Variants in H2BC18 observed in about 807,000 individuals in gnomAD.
The protein encoded by H2BC18 is histone H2B type 2-F.
Under a neutral mutation model 6.3 loss-of-function variants are expected in H2BC18, and 8 were observed. The ratio of observed to expected loss-of-function variants is 1.28; its 90% CI spans 0.75 to 2.31. The LOEUF is 2.31. Among genes scored for constraint, H2BC18 ranks in the 30% most tolerant of loss-of-function variants. The probability of loss-of-function intolerance (pLI) is 0.00; values close to 1 mark genes in which losing one functional copy is unlikely to be tolerated. For missense variants in H2BC18, 106 were observed against 174.5 expected (o/e 0.61, Z 2.21); for synonymous variants, 104 against 78.1 (o/e 1.33, Z -1.75).
intron 1 of H2BC18, chr1:149,790,235 A>G (rs782741040): frequency 3.1e-6 from 5 of 1,610,844 alleles, no homozygotes; most frequent in Non-Finnish European, 4.2e-6. Flanking sequence ...AATACCAAAT[A>G]CTAACTGCTA....
chr1:149,807,944 T>A (rs2091938233), downstream of H2BC18, among the ~76,000 whole-genome samples: 1 of 152,206 alleles, frequency 6.6e-6, no homozygotes, highest in African/African-American at 2.4e-5. Flanking sequence ...ATGATGTGCA[T>A]AAATTGTTTT....
chr1:149,794,024 C>T (rs1317519300), intron 1 of H2BC18: 1 of 713,728 alleles, frequency 1.4e-6, no homozygotes. Context: ...TAGCTGACAG[C>T]TGGCTGGGAG....
At chr1:149,804,118 T>C (rs1412598183) in intron 1 of H2BC18, among the ~76,000 whole-genome samples, 2 of 152,194 alleles carry the variant, frequency 1.3e-5, no homozygotes, top group Non-Finnish European at 2.9e-5. Flanking sequence ...AGCTAATAGT[T>C]TTCTAGATAA....
exon 2 of H2BC18, chr1:149,782,995 T>C: frequency 3.4e-6 from 2 of 594,150 alleles, no homozygotes; most frequent in South Asian, 4.0e-5. Flanking sequence ...GTTTCCTTGA[T>C]AACCACCTGT....
intron 1 of H2BC18, among the ~76,000 whole-genome samples, chr1:149,799,922 G>A (rs1393345310): frequency 1.3e-5 from 2 of 152,036 alleles, no homozygotes; most frequent in Non-Finnish European, 2.9e-5. Context: ...GTTCTGCAGT[G>A]GACACCAGCT....
chr1:149,784,782 TCTTA>T (rs1185090039), intron 1 of H2BC18, among the ~76,000 whole-genome samples: 4 of 151,108 alleles, frequency 2.6e-5, no homozygotes, highest in Admixed American at 6.6e-5. Context: ...TTGTCCTATA[TCTTA>T]CTTTTATCAC....
intron 1 of H2BC18, chr1:149,793,312 CCCAGCTGGTT>C (rs1331673241): frequency 8.6e-7 from 1 of 1,158,728 alleles, no homozygotes; most frequent in African/African-American, 1.7e-5. Context: ...CGGAGGACCT[CCCAGCTGGTT>C]CCCTCACCGT....
chr1:149,793,102 G>T, intron 1 of H2BC18: 3 of 1,274,346 alleles, frequency 2.4e-6, no homozygotes, highest in Non-Finnish European at 3.0e-6. Context: ...CCAAGCCCCG[G>T]GGATGCTGCC....
chr1:149,789,411 T>C (rs1258516457), intron 1 of H2BC18, among the ~76,000 whole-genome samples: 1 of 149,814 alleles, frequency 6.7e-6, no homozygotes, highest in East Asian at 1.9e-4. Context: ...ATAATAATAA[T>C]AATAATAATG....
At chr1:149,809,331 G>A (rs676744), downstream of H2BC18, among the ~76,000 whole-genome samples, 1 of 144,430 alleles carries the variant, frequency 6.9e-6, no homozygotes, top group Non-Finnish European at 1.5e-5. Context: ...AAGGGAAGAT[G>A]CCAAGTGTAG....
chr1:149,800,304 T>C (rs1323511773), intron 1 of H2BC18, among the ~76,000 whole-genome samples: 1 of 152,206 alleles, frequency 6.6e-6, no homozygotes, highest in Non-Finnish European at 1.5e-5. Context: ...CCTGTCCTTT[T>C]GGGTCTTTGT....
At chr1:149,811,636 C>T (rs2101505349), downstream of H2BC18, 2 of 461,166 alleles carry the variant, frequency 4.3e-6, no homozygotes, top group African/African-American at 2.0e-5. Context: ...AACCACCCCC[C>T]GCCTCCTTCC....
intron 1 of H2BC18, chr1:149,792,673 A>C: frequency 1.6e-6 from 2 of 1,278,762 alleles, no homozygotes; most frequent in Non-Finnish European, 2.0e-6. Flanking sequence ...CGCAGCCGCC[A>C]GCGCCCGGGG....
intron 1 of H2BC18, among the ~76,000 whole-genome samples, chr1:149,789,847 C>A (rs1206686457): frequency 6.6e-6 from 1 of 152,144 alleles, no homozygotes; most frequent in Non-Finnish European, 1.5e-5. Flanking sequence ...ATAGAGGTAT[C>A]CTCAGTAGGA....
downstream of H2BC18, chr1:149,811,165 T>C (rs1434944927): frequency 1.3e-5 from 2 of 151,470 alleles, no homozygotes; most frequent in East Asian, 3.9e-4. Context: ...AAGATCGACA[T>C]TACAGGCCAG....
chr1:149,785,339 T>C (rs2091512499), intron 1 of H2BC18, among the ~76,000 whole-genome samples: 1 of 150,902 alleles, frequency 6.6e-6, no homozygotes, highest in South Asian at 2.1e-4. Context: ...ATGTTCCTCA[T>C]GTGTCCCTTA....
At chr1:149,804,401 C>T (rs1346956207) in intron 1 of H2BC18, among the ~76,000 whole-genome samples, 1 of 152,166 alleles carries the variant, frequency 6.6e-6, no homozygotes, top group Non-Finnish European at 1.5e-5. Context: ...ACTGAAGGTT[C>T]TACATAACAA....
At chr1:149,810,628 G>A (rs1571423740), downstream of H2BC18, 2 of 151,854 alleles carry the variant, frequency 1.3e-5, no homozygotes, top group South Asian at 2.1e-4. Context: ...GTCAGGATGA[G>A]TCTTGAGTTA....
downstream of H2BC18, among the ~76,000 whole-genome samples, chr1:149,807,818 A>G (rs2091935656): frequency 6.8e-6 from 1 of 147,994 alleles, no homozygotes; most frequent in South Asian, 2.1e-4. Context: ...GAAAGAAGAA[A>G]GAAAGAGAGA....
Sources: allele counts gnomAD v4.1 joint callset (sites outside exome capture counted in the v4.1 genomes callset), GRCh38; gene constraint gnomAD v4.1.1; transcripts MANE v1.5; gene names NCBI Gene and HGNC (gene_info 2026-07-23, HGNC 2026-07-21).